Variants in CERCAM observed in about 807,000 individuals in gnomAD.
CERCAM encodes cerebral endothelial cell adhesion molecule.
In CERCAM, 59 loss-of-function variants were observed where a neutral mutation model predicts 66.0. The observed-to-expected ratio is 0.89, with a 90% CI of 0.73 to 1.11. The LOEUF (loss-of-function observed/expected upper bound fraction) is 1.11. Among genes scored for constraint, CERCAM ranks in the 50% most tolerant of loss-of-function variants. The probability of loss-of-function intolerance (pLI) is 0.00; values close to 1 mark genes in which losing one functional copy is unlikely to be tolerated. For missense variants in CERCAM, 840 were observed against 828.3 expected, an observed-to-expected ratio of 1.01 and a Z score of -0.17; for synonymous variants, 318 against 343.6, an observed-to-expected ratio of 0.93 and a Z score of 0.83.
At position 128,437,138 on chromosome 9, in the gene CERCAM, C is replaced by T. The variant is rs908377831; in HGVS notation, c.*290C>T. On this transcript the variant is annotated 3_prime_UTR_variant, in exon 13 of 13. Transcript: ENST00000372838. ...CTTCTGTTTCAAGCTGGGCAGACCCCAGGATCCCTTCCCTCCCTAAGGACT... is the reference window on the plus strand; with the variant it reads ...CTTCTGTTTCAAGCTGGGCAGACCCTAGGATCCCTTCCCTCCCTAAGGACT... 1 of 152,450 alleles carries T rather than the reference C, an allele frequency of 6.6e-6. No individual in the cohort carries two copies. Among genetic ancestry groups the T allele is most frequent in the African/African-American group, 2.4e-5 (1 of 41,374 alleles). 9.4% of individuals were successfully genotyped at this position (152,450 alleles called of 1,614,324 possible).
In CERCAM at chr9:128,420,969, C is replaced by T. The variant is rs1463374934; in HGVS notation, c.92C>T (p.Pro31Leu). ...EAAGVAESPL[P>L]AVVLAILARN... ...GCGGGCGTTGCGGAGTCGCCGCTGCCCGCCGTGGTCCTTGCCATCCTGGCC... is the reference window on the plus strand; with the variant it reads ...GCGGGCGTTGCGGAGTCGCCGCTGCTCGCCGTGGTCCTTGCCATCCTGGCC... Residue 31 changes from proline to leucine, a missense_variant, in exon 1 of 13, where the codon CCC becomes CTC. Coordinates refer to ENST00000372838, the MANE Select transcript of CERCAM (RefSeq NM_016174.5). This position sits in a 1 kb window ranked among gnomAD's most constrained non-coding sequence, Gnocchi z 5.0. 6.8e-7 allele frequency: 1 copy of T among 1,467,866 alleles called. No homozygotes were observed. Among genetic ancestry groups the T allele is most frequent in the Admixed American group, 2.4e-5 (1 of 41,312 alleles). 90.9% of individuals were successfully genotyped at this position (1,467,866 alleles called of 1,614,324 possible).
rs755426209 is a variant in CERCAM, at chr9:128,428,784, C to T, written c.914C>T (p.Ala305Val). 1.2e-6 allele frequency: 2 copies of T among 1,613,990 alleles called. No individual in the cohort carries two copies. The highest frequency in any genetic ancestry group is 1.7e-5 in the Admixed American group (1 of 60,010). Residue 305 changes from alanine to valine, a missense_variant, in exon 7 of 13, where the codon GCT becomes GTT. Coordinates refer to ENST00000372838, the MANE Select transcript of CERCAM (RefSeq NM_016174.5). Reference sequence around the variant, plus strand: ...GACGGCCCCCGCATGCAGGCCTCAGCTCATGTGACTCGGCCCTCTAAGAGG... The same window carrying T: ...GACGGCCCCCGCATGCAGGCCTCAGTTCATGTGACTCGGCCCTCTAAGAGG... ...LVDGPRMQAS[A>V]HVTRPSKRPS...
intron 8 of CERCAM, 59 bp downstream of exon 8, chr9:128,429,095 C>T: frequency 8.0e-7 from 1 of 1,252,492 alleles, no homozygotes; most frequent in East Asian, 2.4e-5. Flanking sequence ...GGTCCATCTC[C>T]TAGCCCGCTA....
At chr9:128,427,121 G>T (rs1282844078) in intron 5 of CERCAM, among the ~76,000 whole-genome samples, 2 of 151,062 alleles carry the variant, frequency 1.3e-5, no homozygotes, top group African/African-American at 4.9e-5. Context: ...TTTTTTGTTT[G>T]TTTTTTTTTA....
chr9:128,428,663 A>G, intron 6 of CERCAM, 94 bp from the exon 7 acceptor site: 2 of 1,401,612 alleles, frequency 1.4e-6, no homozygotes, highest in Non-Finnish European at 2.0e-6. Context: ...GTTCTGCCAA[A>G]GGGGGCAGGA....
chr9:128,425,632 C>G (rs943551246), intron 5 of CERCAM, among the ~76,000 whole-genome samples: 1 of 152,018 alleles, frequency 6.6e-6, no homozygotes. Flanking sequence ...CTGCCTCAGC[C>G]TCCCGAGTAG....
At chr9:128,425,449 A>G (rs1833822425) in intron 5 of CERCAM, among the ~76,000 whole-genome samples, 1 of 152,016 alleles carries the variant, frequency 6.6e-6, no homozygotes, top group African/African-American at 2.4e-5. Flanking sequence ...TGGAGGGGAA[A>G]TCACTTGAGC....
chr9:128,436,202 C>G (rs992060431), intron 12 of CERCAM, among the ~76,000 whole-genome samples: 2 of 151,476 alleles, frequency 1.3e-5, no homozygotes, highest in Non-Finnish European at 2.9e-5. Flanking sequence ...ATTACAGGCA[C>G]CCACCACAAG....
At chr9:128,424,049 C>T (rs78986616) in intron 3 of CERCAM, 89 bp from the exon 4 acceptor site, 274,321 of 1,451,766 alleles carry the variant, frequency 0.19, 28,291 homozygotes, top group East Asian at 0.39. Context: ...CTAGGAGCCA[C>T]GCTGGGTCTC....
intron 3 of CERCAM, 166 bp from the exon 4 acceptor site, chr9:128,423,972 A>T: frequency 1.4e-6 from 1 of 734,200 alleles, no homozygotes; most frequent in Non-Finnish European, 2.3e-6. Context: ...GCCCCAGACT[A>T]GAGCCTTGGT....
At position 128,429,192 on chromosome 9, in the gene CERCAM, C is replaced by T. The variant is rs762483309; in HGVS notation, c.1070+156C>T. Among the ~76,000 whole-genome samples the T allele has an allele frequency of 3.2e-4, 48 of 152,124 alleles. 1 individual carries two copies. Among genetic ancestry groups the T allele is most frequent in the Non-Finnish European group, 4.7e-4 (32 of 68,030 alleles). ...CTGAGTAATATCCTCTCAGGGAGTT[C>T]CGGAGCAGACACACGTGGGAGAAGA... On this transcript the variant is annotated intron_variant, in intron 8 of 12. Transcript: ENST00000372838.
At position 128,421,464 on chromosome 9, in the gene CERCAM, G is replaced by A. The variant is rs960687821; in HGVS notation, c.197+390G>A. ...AGACAGGAACCTCTGAAGTCCACTG[G>A]GGCCCAACGTGGCAGGGATCGACCA... is the stretch of plus-strand genomic sequence containing the variant. On this transcript the variant is annotated intron_variant, in intron 1 of 12. Transcript: ENST00000372838. The A allele has an allele frequency of 4.0e-6, 4 of 1,002,792 alleles. No individual in the cohort carries two copies. The African/African-American group carries it at 6.9e-5, about 17-fold the overall frequency. 62.1% of individuals were successfully genotyped at this position (1,002,792 alleles called of 1,614,324 possible).
intron 5 of CERCAM, 130 bp from the exon 6 acceptor site, chr9:128,428,172 C>A: frequency 9.4e-7 from 1 of 1,067,010 alleles, no homozygotes; most frequent in South Asian, 1.7e-5. Flanking sequence ...TCTGGTCCCA[C>A]AGGTGGGGAA....
Position 128,434,417 on chromosome 9 carries a change from G to A in CERCAM, c.1339G>A (p.Gly447Arg), listed in dbSNP as rs770587623. 23 of 1,613,816 alleles carry A rather than the reference G, an allele frequency of 1.4e-5. No individual in the cohort carries two copies. The East Asian group carries it at 1.8e-4, about 13-fold the overall frequency. ...EKLSWDLIYL[G>R]RKQVNPEKET... Reference sequence around the variant, plus strand: ...CCTTGGTGTCACTTACAGCTACCTCGGACGGAAGCAGGTGAACCCTGAGAA... The same window carrying A: ...CCTTGGTGTCACTTACAGCTACCTCAGACGGAAGCAGGTGAACCCTGAGAA... Residue 447 changes from glycine (G) to arginine (R), a missense_variant, in exon 11 of 13, where the codon GGA (glycine) becomes AGA (arginine). By Grantham distance (125) the Gly-to-Arg change is moderately radical. Coordinates refer to ENST00000372838, the MANE Select transcript of CERCAM (RefSeq NM_016174.5). This position sits in a 1 kb window ranked among gnomAD's most constrained non-coding sequence, Gnocchi z 4.5.
chr9:128,420,620 C>T (rs1833684162), upstream of CERCAM: 1 of 208,372 alleles, frequency 4.8e-6, no homozygotes, highest in Non-Finnish European at 9.5e-6. This position sits in a 1 kb window ranked among gnomAD's most constrained non-coding sequence, Gnocchi z 5.0. Flanking sequence ...CGTCGCCCCT[C>T]CGGGGTCCAG....
At chr9:128,423,087 G>GTGT in intron 2 of CERCAM, 59 bp from the exon 3 acceptor site, 7 of 1,611,170 alleles carry the variant, frequency 4.3e-6, no homozygotes, top group Admixed American at 1.7e-5. Context: ...TCTGTCCACT[G>GTGT]CCCTGCAGAG....
chr9:128,428,957 C>T lies in CERCAM; in HGVS notation c.991C>T (p.Pro331Ser). ...CTTTGTCATCAGCCTGGCTCGCAGG[C>T]CTGACCGTCGGGAACGCATGCTCGC... ...EVFVISLARR[P>S]DRRERMLASL... The change falls in exon 8 of 13, where the codon CCT becomes TCT. Residue 331 changes from proline (P) to serine (S), a missense_variant. Transcript: ENST00000372838. 1.2e-6 allele frequency: 2 copies of T among 1,610,930 alleles called. No individual in the cohort carries two copies. The highest frequency in any genetic ancestry group is 1.7e-6 in the Non-Finnish European group (2 of 1,178,884).
intron 9 of CERCAM, among the ~76,000 whole-genome samples, chr9:128,433,640 CA>C (rs141417618): frequency 0.18 from 27,097 of 150,882 alleles, 2,572 homozygotes; most frequent in East Asian, 0.35. Context: ...AACTTCGTCT[CA>C]AAAAAAAAGG....
chr9:128,436,478 C>A (rs375621946), intron 12 of CERCAM, among the ~76,000 whole-genome samples: 1 of 152,188 alleles, frequency 6.6e-6, no homozygotes, highest in African/African-American at 2.4e-5. Context: ...GAACTCCTGA[C>A]CTGAGGTGAT....
Sources: allele counts gnomAD v4.1 joint callset (sites outside exome capture counted in the v4.1 genomes callset), GRCh38; gene constraint gnomAD v4.1.1; non-coding constraint Gnocchi (gnomAD v3.1); transcripts MANE v1.5; gene names NCBI Gene and HGNC (gene_info 2026-07-23, HGNC 2026-07-21).